The following DERA variants were observed in gnomAD, a reference collection of about 807,000 sequenced individuals.
DERA encodes the protein deoxyribose-phosphate aldolase, also known as 2-deoxy-D-ribose 5-phosphate aldolase.
DERA carries 15 observed loss-of-function variants against 41.1 expected under a neutral mutation model. The observed-to-expected ratio is 0.37, with a 90% CI of 0.24 to 0.56. The LOEUF (loss-of-function observed/expected upper bound fraction) is 0.56. DERA is among the 20% of genes least tolerant of loss of function. The pLI, the probability that DERA is intolerant of heterozygous loss-of-function variation, is 0.81. For synonymous variants in DERA, 139 were observed against 137.4 expected, an observed-to-expected ratio of 1.01 and a Z score of -0.08; for missense variants, 396 against 403.4, an observed-to-expected ratio of 0.98 and a Z score of 0.16.
rs1313506225 is a variant in DERA, at chr12:15,992,958, G to A, written c.637+10522G>A. On this transcript the variant is annotated intron_variant, in intron 6 of 8. Coordinates refer to ENST00000428559, the MANE Select transcript of DERA (RefSeq NM_015954.4). The surrounding 1 kb of genome is among the most constrained non-coding windows in gnomAD (Gnocchi z 4.3). ...ATAATGTCATCAGGTTTGAATTGCC[G>A]ATGAAGATCTGTGGGAAGAGTACTA... is the stretch of plus-strand genomic sequence containing the variant. 1.3e-5 allele frequency among the ~76,000 whole-genome samples: 2 copies of A among 152,164 alleles called. No homozygotes were observed. Among genetic ancestry groups the A allele is most frequent in the Admixed American group, 1.3e-4 (2 of 15,284 alleles).
In DERA at chr12:15,995,879, A is replaced by T. The variant is rs1592041153; in HGVS notation, c.637+13443A>T. On this transcript the variant is annotated intron_variant, in intron 6 of 8. Transcript: ENST00000428559. This position sits in a 1 kb window ranked among gnomAD's most constrained non-coding sequence, Gnocchi z 5.1. The stretch of plus-strand genomic sequence containing the variant: ...AAGGAAGATTTTTCTCTCTTAACTC[A>T]AAGTAGTAGGACTAGGACCAACTTT... Among the ~76,000 whole-genome samples the T allele has an allele frequency of 1.3e-5, 2 of 152,176 alleles. No homozygotes were observed. The highest frequency in any genetic ancestry group is 4.1e-4 in the South Asian group (2 of 4,828).
In DERA at chr12:16,001,838, T is replaced by A. The variant is rs1281463029; in HGVS notation, c.637+19402T>A. Reference sequence around the variant, plus strand: ...GACGAAGCAGCATTTTGCTGGAGACTTTGTTGAGAATTCAGGTGCTTTGGG... The same window carrying A: ...GACGAAGCAGCATTTTGCTGGAGACATTGTTGAGAATTCAGGTGCTTTGGG... On this transcript the variant is annotated intron_variant, in intron 6 of 8. Coordinates refer to ENST00000428559, the MANE Select transcript of DERA (RefSeq NM_015954.4). The surrounding 1 kb of genome is among the most constrained non-coding windows in gnomAD (Gnocchi z 4.1). Among the ~76,000 whole-genome samples, 1 of 152,172 alleles carries A rather than the reference T, an allele frequency of 6.6e-6. No homozygotes were observed. The highest frequency in any genetic ancestry group is 1.9e-4 in the East Asian group (1 of 5,194).
In DERA at chr12:15,936,772, A is replaced by G. The variant is rs944333584; in HGVS notation, c.32-20164A>G. On this transcript the variant is annotated intron_variant, in intron 1 of 8. Transcript: ENST00000428559. The surrounding 1 kb of genome is among the most constrained non-coding windows in gnomAD (Gnocchi z 4.6). ...CATTATACTGGGTTATGTTTTGTGT[A>G]GATTGTCTCACCACCCGGATTTGTC... Among the ~76,000 whole-genome samples, 1 of 152,072 alleles carries G rather than the reference A, an allele frequency of 6.6e-6. No homozygotes were observed. Among genetic ancestry groups the G allele is most frequent in the African/African-American group, 2.4e-5 (1 of 41,402 alleles).
chr12:16,024,700 T>C (rs1249294528), intron 6 of DERA, among the ~76,000 whole-genome samples: 3 of 152,014 alleles, frequency 2.0e-5, no homozygotes, highest in African/African-American at 7.3e-5. Flanking sequence ...TCCACTCTTA[T>C]TACACTGAAA....
chr12:15,997,167 C>G (rs1016603898), intron 6 of DERA, among the ~76,000 whole-genome samples: 1 of 152,106 alleles, frequency 6.6e-6, no homozygotes, highest in Non-Finnish European at 1.5e-5. Flanking sequence ...CATCAGTAAT[C>G]AAAAGTTATT....
chr12:15,950,909 GC>G (rs1249974956), intron 1 of DERA, among the ~76,000 whole-genome samples: 1 of 152,246 alleles, frequency 6.6e-6, no homozygotes, highest in African/African-American at 2.4e-5. Context: ...ATTTTGGATA[GC>G]CCTTTGATAT....
intron 1 of DERA, among the ~76,000 whole-genome samples, chr12:15,912,278 A>G (rs764233310): frequency 2.0e-5 from 3 of 152,100 alleles, no homozygotes; most frequent in Non-Finnish European, 4.4e-5. Context: ...CACCGCCCTT[A>G]ATCCATTTAA....
At position 16,035,362 on chromosome 12, in the gene DERA, G is replaced by A. The variant is rs1949120271; in HGVS notation, c.751-870G>A. 6.6e-6 allele frequency among the ~76,000 whole-genome samples: 1 copy of A among 152,154 alleles called. No homozygotes were observed. The highest frequency in any genetic ancestry group is 2.4e-5 in the African/African-American group (1 of 41,426). ...TAGCCCTGAGTGATAAAACGTGAGA[G>A]ATTTAGTACTCAGGCTCTGAGGTGT... On this transcript the variant is annotated intron_variant, in intron 7 of 8. Transcript: ENST00000428559. The surrounding 1 kb of genome is among the most constrained non-coding windows in gnomAD (Gnocchi z 4.1).
intron 1 of DERA, among the ~76,000 whole-genome samples, chr12:15,914,494 A>G (rs17822434): frequency 2.0e-5 from 3 of 151,666 alleles, no homozygotes; most frequent in Admixed American, 6.6e-5. Context: ...GTCCCCGTGT[A>G]TGGTTGCATG....
At chr12:15,944,627 T>G (rs1004150198) in intron 1 of DERA, among the ~76,000 whole-genome samples, 1 of 152,254 alleles carries the variant, frequency 6.6e-6, no homozygotes, top group Non-Finnish European at 1.5e-5. Flanking sequence ...TTCTGGATAT[T>G]AGCCCTTTGT....
rs534919563 is a variant in DERA at position 15,987,496 on chromosome 12, C to G, written c.637+5060C>G. On this transcript the variant is annotated intron_variant, in intron 6 of 8. Transcript: ENST00000428559. The stretch of plus-strand genomic sequence containing the variant: ...AGGTGATCCGCCTACCTTGACCTCC[C>G]AAAGTGCTGGGATTACAGATGTAAC... Among the ~76,000 whole-genome samples the G allele has an allele frequency of 2.0e-5, 3 of 152,170 alleles. No homozygotes were observed. The South Asian group carries it at 6.2e-4, about 32-fold the overall frequency.
chr12:15,973,154 T>C (rs760943942), intron 5 of DERA, among the ~76,000 whole-genome samples: 2 of 152,100 alleles, frequency 1.3e-5, no homozygotes, highest in Non-Finnish European at 2.9e-5. Flanking sequence ...GTAGGAGGGA[T>C]GCGGGGAGAC....
chr12:15,944,766 G>A (rs1475648174), intron 1 of DERA, among the ~76,000 whole-genome samples: 1 of 152,064 alleles, frequency 6.6e-6, no homozygotes, highest in Non-Finnish European at 1.5e-5. Context: ...GGCTTTTGTT[G>A]CCATTGCTTT....
chr12:16,004,257 C>A lies in DERA; in HGVS notation c.637+21821C>A, dbSNP rs1007174251. On this transcript the variant is annotated intron_variant, in intron 6 of 8. Coordinates refer to ENST00000428559, the MANE Select transcript of DERA (RefSeq NM_015954.4). The surrounding 1 kb of genome is among the most constrained non-coding windows in gnomAD (Gnocchi z 4.2). ...AGATAATTTGAATCTGAATGTACAG[C>A]CAAGTATTCAAAATATAAATAGATG... 6.6e-6 allele frequency among the ~76,000 whole-genome samples: 1 copy of A among 151,962 alleles called. No individual in the cohort carries two copies. Among genetic ancestry groups the A allele is most frequent in the East Asian group, 1.9e-4 (1 of 5,190 alleles).
rs147240886 is a variant in DERA, at chr12:15,985,119, T to A, written c.637+2683T>A. The A allele has an allele frequency of 1.3e-5, 2 of 152,356 alleles. No homozygotes were observed. Among genetic ancestry groups the A allele is most frequent in the Non-Finnish European group, 2.9e-5 (2 of 68,030 alleles). The allele number at this position is 152,356 out of a possible 1,614,324, so 9.4% of individuals were successfully genotyped here. On this transcript the variant is annotated intron_variant, in intron 6 of 8. Coordinates refer to ENST00000428559, the MANE Select transcript of DERA (RefSeq NM_015954.4). The surrounding 1 kb of genome is among the most constrained non-coding windows in gnomAD (Gnocchi z 4.2). ...GATCATTTCCATCCTCCTAGAAATA[T>A]CTTTGTGTCCCTTTATAGTCGCCTC... is the stretch of plus-strand genomic sequence containing the variant.
intron 5 of DERA, among the ~76,000 whole-genome samples, chr12:15,974,338 T>A (rs1291319046): frequency 6.6e-6 from 1 of 152,216 alleles, no homozygotes; most frequent in Non-Finnish European, 1.5e-5. Flanking sequence ...TTGTTTCATA[T>A]CTCTTTAATA....
Position 15,976,660 on chromosome 12 carries a change from C to A in DERA, c.509-5648C>A, listed in dbSNP as rs774368921. 2.0e-5 allele frequency among the ~76,000 whole-genome samples: 3 copies of A among 152,176 alleles called. No individual in the cohort carries two copies. The highest frequency in any genetic ancestry group is 2.9e-5 in the Non-Finnish European group (2 of 68,032). On this transcript the variant is annotated intron_variant, in intron 5 of 8. Transcript: ENST00000428559. This position sits in a 1 kb window ranked among gnomAD's most constrained non-coding sequence, Gnocchi z 4.1. ...TTTAGAGTAAGTCAACGTTTACCAT[C>A]ATTTTACGTGTGCTTATTATCAAAG...
chr12:16,029,018 A>G (rs1343493479), intron 6 of DERA, among the ~76,000 whole-genome samples: 1 of 152,238 alleles, frequency 6.6e-6, no homozygotes, highest in Non-Finnish European at 1.5e-5. Context: ...TTACAAATGT[A>G]CCATAATTAT....
At chr12:15,950,238 T>A (rs1948487459) in intron 1 of DERA, among the ~76,000 whole-genome samples, 1 of 152,174 alleles carries the variant, frequency 6.6e-6, no homozygotes, top group Admixed American at 6.5e-5. Context: ...GGGCTTCTGG[T>A]TGCCTATTTT....
Sources: allele counts gnomAD v4.1 joint callset (sites outside exome capture counted in the v4.1 genomes callset), GRCh38; gene constraint gnomAD v4.1.1; non-coding constraint Gnocchi (gnomAD v3.1); transcripts MANE v1.5; gene names NCBI Gene and HGNC (gene_info 2026-07-23, HGNC 2026-07-21).